SYT9: variants seen among roughly 807,000 people sequenced by gnomAD.
SYT9 encodes the protein synaptotagmin 9, also known as synaptotagmin-9.
In SYT9, 22 loss-of-function variants were observed where a neutral mutation model predicts 48.4. That is an observed-to-expected ratio of 0.45 (90% CI 0.32 to 0.65). The LOEUF (loss-of-function observed/expected upper bound fraction) is 0.65, where lower values mean the gene tolerates loss of function less well. Among genes scored for constraint, SYT9 ranks in the 30% least tolerant of loss-of-function variants. The probability of loss-of-function intolerance (pLI) is 0.03; values close to 1 mark genes in which losing one functional copy is unlikely to be tolerated. For synonymous variants in SYT9, 265 were observed against 245.0 expected (o/e 1.08, Z -0.76); for missense variants, 577 against 622.0 (o/e 0.93, Z 0.77).
At chr11:7,301,463 A>G (rs991567111) in intron 1 of SYT9, among the ~76,000 whole-genome samples, 6 of 152,238 alleles carry the variant, frequency 3.9e-5, no homozygotes, top group Admixed American at 3.9e-4. Flanking sequence ...AGGGGTTCCC[A>G]TGCATGCTTC....
At chr11:7,440,039 T>C (rs1847800099) in intron 6 of SYT9, 1 of 152,220 alleles carries the variant, frequency 6.6e-6, no homozygotes, top group Non-Finnish European at 1.5e-5. Flanking sequence ...ATAAGTACTT[T>C]ATTATAGAAC....
chr11:7,303,430 C>T (rs542688465), intron 2 of SYT9, 40 bp downstream of exon 2: 2 of 1,506,150 alleles, frequency 1.3e-6, no homozygotes, highest in African/African-American at 1.4e-5. Context: ...AAGGAAGGAC[C>T]ACCCCATTCC....
chr11:7,372,127 G>A (rs1243883141), intron 3 of SYT9, among the ~76,000 whole-genome samples: 1 of 152,164 alleles, frequency 6.6e-6, no homozygotes, highest in Non-Finnish European at 1.5e-5. Flanking sequence ...TACCAGCAGT[G>A]ATGTGAGTTC....
chr11:7,272,195 A>G (rs1290925552), intron 1 of SYT9, among the ~76,000 whole-genome samples: 3 of 152,152 alleles, frequency 2.0e-5, no homozygotes, highest in African/African-American at 7.2e-5. Flanking sequence ...AGGGGAACTG[A>G]GGGCGTGAGT....
At chr11:7,444,544 C>A (rs1443545788) in intron 6 of SYT9, 1 of 152,196 alleles carries the variant, frequency 6.6e-6, no homozygotes, top group Non-Finnish European at 1.5e-5. Context: ...TCATTACCAT[C>A]TAATCCTATT....
chr11:7,318,691 A>G (rs1413583925), intron 3 of SYT9, among the ~76,000 whole-genome samples: 3 of 152,138 alleles, frequency 2.0e-5, no homozygotes, highest in Admixed American at 6.6e-5. Context: ...CCTTTTTATC[A>G]CACGTAATTG....
At chr11:7,425,749 T>C (rs778910099) in intron 6 of SYT9, among the ~76,000 whole-genome samples, 10 of 152,018 alleles carry the variant, frequency 6.6e-5, no homozygotes, top group Non-Finnish European at 1.0e-4. Flanking sequence ...TAAATGAACA[T>C]AGCAAAAGCC....
chr11:7,461,886 G>A (rs1448621994), intron 6 of SYT9, among the ~76,000 whole-genome samples: 4 of 152,076 alleles, frequency 2.6e-5, no homozygotes, highest in African/African-American at 4.8e-5. Context: ...CTTCTGAATG[G>A]TGCCTTCACT....
chr11:7,296,123 C>T (rs1376348825), intron 1 of SYT9, among the ~76,000 whole-genome samples: 1 of 152,182 alleles, frequency 6.6e-6, no homozygotes, highest in East Asian at 1.9e-4. Context: ...CAATAACTTA[C>T]ATTCAGTGAG....
At chr11:7,419,518 C>T (rs1847310094) in intron 5 of SYT9, among the ~76,000 whole-genome samples, 1 of 151,934 alleles carries the variant, frequency 6.6e-6, no homozygotes, top group Non-Finnish European at 1.5e-5. Context: ...CCATATCAGT[C>T]CAGTTATACC....
intron 3 of SYT9, among the ~76,000 whole-genome samples, chr11:7,374,970 G>T (rs538071195): frequency 2.6e-5 from 4 of 152,122 alleles, no homozygotes; most frequent in African/African-American, 9.7e-5. Context: ...ATTGCTTTCG[G>T]TGTTTTAGTC....
chr11:7,424,998 A>G (rs983590058), intron 6 of SYT9, among the ~76,000 whole-genome samples: 1 of 152,214 alleles, frequency 6.6e-6, no homozygotes, highest in Non-Finnish European at 1.5e-5. Flanking sequence ...GTATAAACTT[A>G]GAGTCAAAGG....
intron 3 of SYT9, among the ~76,000 whole-genome samples, chr11:7,386,010 T>C (rs991301229): frequency 6.6e-6 from 1 of 152,216 alleles, no homozygotes; most frequent in Non-Finnish European, 1.5e-5. Context: ...AGTATTGCTC[T>C]ATTTATTTAG....
At chr11:7,304,139 A>T (rs570308271) in intron 2 of SYT9, among the ~76,000 whole-genome samples, 1 of 152,238 alleles carries the variant, frequency 6.6e-6, no homozygotes, top group Non-Finnish European at 1.5e-5. Flanking sequence ...TCTTCAAAAG[A>T]GGAGTAGATA....
chr11:7,367,871 T>C (rs72856434), intron 3 of SYT9, among the ~76,000 whole-genome samples: 10,129 of 152,292 alleles, frequency 0.067, 386 homozygotes, highest in Middle Eastern at 0.13. Context: ...CATTAAGAAC[T>C]AACATTTCCT....
intron 3 of SYT9, among the ~76,000 whole-genome samples, chr11:7,332,354 A>G (rs1849552546): frequency 6.6e-6 from 1 of 152,232 alleles, no homozygotes; most frequent in Non-Finnish European, 1.5e-5. Flanking sequence ...TCAGCTGAGG[A>G]GAATTTTCCC....
intron 6 of SYT9, among the ~76,000 whole-genome samples, chr11:7,436,288 G>A (rs545428564): frequency 6.8e-4 from 104 of 152,284 alleles, no homozygotes; most frequent in African/African-American, 2.4e-3. Context: ...AGGCAGTAAA[G>A]AAACTGAAGA....
At chr11:7,247,472 T>C (rs896348946), upstream of SYT9, among the ~76,000 whole-genome samples, 4 of 150,164 alleles carry the variant, frequency 2.7e-5, no homozygotes, top group East Asian at 2.0e-4. Flanking sequence ...CATATATATA[T>C]ACATATATAT....
At chr11:7,288,973 C>G (rs1470064619) in intron 1 of SYT9, among the ~76,000 whole-genome samples, 6 of 152,334 alleles carry the variant, frequency 3.9e-5, no homozygotes, top group African/African-American at 1.4e-4. Context: ...TGCTTGGACC[C>G]CTGGTGATAC....
Sources: gnomAD v4.1 joint callset for allele counts (sites outside exome capture counted in the v4.1 genomes callset) on GRCh38, gnomAD v4.1.1 for gene constraint, MANE v1.5 for transcripts, NCBI Gene and HGNC (gene_info 2026-07-23, HGNC 2026-07-21) for gene names.